The following OTUD7A variants were observed in gnomAD, a reference collection of about 807,000 sequenced individuals.
OTUD7A encodes OTU deubiquitinase 7A.
OTUD7A carries 12 observed loss-of-function variants against 65.7 expected under a neutral mutation model. The observed-to-expected ratio is 0.18, with a 90% CI of 0.12 to 0.30. The LOEUF is 0.30. Among genes scored for constraint, OTUD7A ranks in the 10% least tolerant of loss-of-function variants. The pLI is 1.00. For synonymous variants in OTUD7A, 641 were observed against 586.3 expected (o/e 1.09, Z -1.35); for missense variants, 1,148 against 1,304.8 (o/e 0.88, Z 1.85).
At chr15:31,726,196 A>T (rs1893880031) in intron 1 of OTUD7A, among the ~76,000 whole-genome samples, 1 of 151,948 alleles carries the variant, frequency 6.6e-6, no homozygotes, top group African/African-American at 2.4e-5. Context: ...ATATTTAAGC[A>T]CCAGTGTCTT....
intron 3 of OTUD7A, among the ~76,000 whole-genome samples, chr15:31,595,138 T>C (rs1889864401): frequency 6.6e-6 from 1 of 152,246 alleles, no homozygotes; most frequent in South Asian, 2.1e-4. Context: ...GGTCAAACTG[T>C]GCCCTGGGCC....
intron 1 of OTUD7A, among the ~76,000 whole-genome samples, chr15:31,719,497 G>A (rs1054880252): frequency 2.6e-5 from 4 of 152,004 alleles, no homozygotes; most frequent in African/African-American, 9.7e-5. Context: ...GCATCTGGCC[G>A]ATCAGCAAGT....
At chr15:31,741,689 G>A (rs1894349281) in intron 1 of OTUD7A, among the ~76,000 whole-genome samples, 1 of 151,874 alleles carries the variant, frequency 6.6e-6, no homozygotes. Flanking sequence ...GCCATAGACA[G>A]AGAAAGTTTT....
chr15:31,520,824 G>C (rs2041926857), intron 8 of OTUD7A, among the ~76,000 whole-genome samples: 1 of 152,088 alleles, frequency 6.6e-6, no homozygotes, highest in South Asian at 2.1e-4. Context: ...CTATCAAAAA[G>C]ATACCTGCAT....
intron 1 of OTUD7A, among the ~76,000 whole-genome samples, chr15:31,815,455 T>C (rs1896523916): frequency 6.6e-6 from 1 of 152,242 alleles, no homozygotes; most frequent in Admixed American, 6.5e-5. Context: ...TCATTCTGAC[T>C]TACAGATGAA....
At chr15:31,756,300 T>C (rs1347502927) in intron 1 of OTUD7A, among the ~76,000 whole-genome samples, 1 of 152,266 alleles carries the variant, frequency 6.6e-6, no homozygotes, top group Non-Finnish European at 1.5e-5. Flanking sequence ...TTCTCTTTAC[T>C]TATTAAATTG....
chr15:31,680,148 G>A (rs1892679435), intron 1 of OTUD7A, among the ~76,000 whole-genome samples: 1 of 152,242 alleles, frequency 6.6e-6, no homozygotes, highest in African/African-American at 2.4e-5. Flanking sequence ...TCCTGGTGAA[G>A]TGAAATTGGT....
intron 6 of OTUD7A, 80 bp from the exon 7 acceptor site, chr15:31,527,388 GACCC>G: frequency 6.5e-7 from 1 of 1,526,754 alleles, no homozygotes; most frequent in South Asian, 1.3e-5. Context: ...AAACTACCAC[GACCC>G]ACTGGGAGAG....
rs955139364 is a variant in OTUD7A at position 31,487,094 on chromosome 15, C to G, written c.1371+100G>C. The G allele has an allele frequency of 3.3e-6, 4 of 1,212,426 alleles. No homozygotes were observed. Among genetic ancestry groups the G allele is most frequent in the Non-Finnish European group, 4.7e-6 (4 of 854,220 alleles). 75.1% of individuals were successfully genotyped at this position (1,212,426 alleles called of 1,614,324 possible). On this transcript the variant is annotated intron_variant, in intron 12 of 12. Coordinates refer to ENST00000307050, the MANE Select transcript of OTUD7A (RefSeq NM_001382637.1). This position sits in a 1 kb window ranked among gnomAD's most constrained non-coding sequence, Gnocchi z 6.0. The stretch of plus-strand genomic sequence containing the variant: ...GGGTGGGCGGCCGGGCAGGGGCAGG[C>G]AAGAGTGTGGGAGCATTTGGGAGGA...
At chr15:31,672,575 T>A (rs1408305433) in intron 1 of OTUD7A, among the ~76,000 whole-genome samples, 1 of 152,176 alleles carries the variant, frequency 6.6e-6, no homozygotes, top group Non-Finnish European at 1.5e-5. Context: ...TCCACTTTAC[T>A]AAAGCCCAGA....
chr15:31,606,752 G>A lies in OTUD7A; in HGVS notation c.152-36555C>T, dbSNP rs189392474. On this transcript the variant is annotated intron_variant, in intron 3 of 12. Coordinates refer to ENST00000307050, the MANE Select transcript of OTUD7A (RefSeq NM_001382637.1). ...CAGATACCCTCTAGGCATTAAATGG[G>A]TAATATTTACAAACACTTTTTTTCA... Among the ~76,000 whole-genome samples, 3 of 152,176 alleles carry A rather than the reference G, an allele frequency of 2.0e-5. No homozygotes were observed. In the East Asian group the frequency reaches 5.8e-4, roughly 29 times the overall value.
At chr15:31,767,163 G>A in intron 1 of OTUD7A, 1 of 1,283,560 alleles carries the variant, frequency 7.8e-7, no homozygotes. Context: ...GCACTCAGTT[G>A]ATTTGAAGGA....
chr15:31,759,076 A>T (rs969050707), intron 1 of OTUD7A, among the ~76,000 whole-genome samples: 6 of 151,932 alleles, frequency 3.9e-5, no homozygotes, highest in Admixed American at 3.9e-4. Context: ...GATTGCTATA[A>T]CCCTCCACCC....
At chr15:31,849,425 T>C (rs1020211699) in intron 1 of OTUD7A, among the ~76,000 whole-genome samples, 1 of 152,336 alleles carries the variant, frequency 6.6e-6, no homozygotes, top group African/African-American at 2.4e-5. Flanking sequence ...AAGACTTAAA[T>C]GTTAGACCTA....
chr15:31,602,378 GA>G (rs1890103707), intron 3 of OTUD7A, among the ~76,000 whole-genome samples: 3 of 152,320 alleles, frequency 2.0e-5, no homozygotes, highest in Admixed American at 6.5e-5. Flanking sequence ...AATGGATGCA[GA>G]AAAGGCCTTC....
At position 31,708,935 on chromosome 15, in the gene OTUD7A, G is replaced by C. The variant is rs944024873; in HGVS notation, c.-99-51858C>G. Among the ~76,000 whole-genome samples the C allele has an allele frequency of 2.2e-4, 33 of 151,672 alleles. 1 individual carries two copies. The highest frequency in any genetic ancestry group is 6.8e-4 in the African/African-American group (28 of 40,982). ...TTCTGGGCCCAAGGCCCCAGTGGAG[G>C]GGAATGTCAGAGAAGATGTGAAAGT... is the stretch of plus-strand genomic sequence containing the variant. On this transcript the variant is annotated intron_variant, in intron 1 of 12. Coordinates refer to ENST00000307050, the MANE Select transcript of OTUD7A (RefSeq NM_001382637.1).
chr15:31,558,945 G>A (rs1174068337), intron 5 of OTUD7A, 24 bp downstream of exon 5: 1 of 1,611,530 alleles, frequency 6.2e-7, no homozygotes, highest in South Asian at 1.1e-5. Flanking sequence ...AAAGAGGGTG[G>A]GCCTGCTGGC....
intron 1 of OTUD7A, among the ~76,000 whole-genome samples, chr15:31,809,507 G>A (rs1460840336): frequency 6.6e-6 from 1 of 152,190 alleles, no homozygotes; most frequent in Non-Finnish European, 1.5e-5. Context: ...CAGAAACCCA[G>A]TTCCAGCCAA....
At chr15:31,614,319 A>G (rs12909183) in intron 3 of OTUD7A, among the ~76,000 whole-genome samples, 43,586 of 151,980 alleles carry the variant, frequency 0.29, 7,381 homozygotes, top group African/African-American at 0.47. Flanking sequence ...AAAAAAGACA[A>G]TGACTGAGAA....
Sources: allele counts gnomAD v4.1 joint callset (sites outside exome capture counted in the v4.1 genomes callset), GRCh38; gene constraint gnomAD v4.1.1; non-coding constraint Gnocchi (gnomAD v3.1); transcripts MANE v1.5; gene names NCBI Gene and HGNC (gene_info 2026-07-23, HGNC 2026-07-21).